The following SYT1 variants were observed in gnomAD, a reference collection of about 807,000 sequenced individuals.
SYT1 encodes the protein synaptotagmin 1, also known as synaptotagmin-1.
In SYT1, 8 loss-of-function variants were observed where a neutral mutation model predicts 44.8. The observed-to-expected ratio is 0.18, with a 90% CI of 0.10 to 0.32. SYT1 has a LOEUF of 0.32. SYT1 is among the 10% of genes least tolerant of loss of function. The pLI, the probability that SYT1 is intolerant of heterozygous loss-of-function variation, is 1.00. For synonymous variants in SYT1, 154 were observed against 188.8 expected (o/e 0.82, Z 1.51); for missense variants, 286 against 509.3 (o/e 0.56, Z 4.22).
chr12:79,338,201 C>G (rs925345901), intron 8 of SYT1, among the ~76,000 whole-genome samples: 1 of 152,092 alleles, frequency 6.6e-6, no homozygotes, highest in Non-Finnish European at 1.5e-5. Flanking sequence ...CATTTTTCAC[C>G]ATTTCCATTG....
At chr12:79,276,535 G>A (rs1264755936) in intron 4 of SYT1, among the ~76,000 whole-genome samples, 1 of 151,776 alleles carries the variant, frequency 6.6e-6, no homozygotes, top group African/African-American at 2.4e-5. Flanking sequence ...AATTAGCTGG[G>A]CATGGTGGCA....
rs118022494 is a variant in SYT1 at position 79,373,287 on chromosome 12, T to G, written c.928+19668T>G. On this transcript the variant is annotated intron_variant, in intron 9 of 10. Transcript: ENST00000261205. ...GATGATGTTCACCTATCAGTAAAAC[T>G]TTGGGAGCACATTCCTCTTTATACA... Among the ~76,000 whole-genome samples, 272 of 152,294 alleles carry G rather than the reference T, an allele frequency of 1.8e-3. 6 individuals carry two copies. The East Asian group carries it at 0.048, about 27-fold the overall frequency.
chr12:79,356,963 G>C (rs1299602401), intron 9 of SYT1, among the ~76,000 whole-genome samples: 1 of 152,152 alleles, frequency 6.6e-6, no homozygotes, highest in African/African-American at 2.4e-5. Context: ...GGGAAAAAAA[G>C]TTTATCTTAT....
chr12:79,142,508 AC>A (rs779435067), intron 3 of SYT1, among the ~76,000 whole-genome samples: 1 of 152,222 alleles, frequency 6.6e-6, no homozygotes, highest in Non-Finnish European at 1.5e-5. Flanking sequence ...TTCCATGTGG[AC>A]CAATCATGAG....
At chr12:78,923,977 C>T (rs552872462) in intron 1 of SYT1, among the ~76,000 whole-genome samples, 1 of 152,028 alleles carries the variant, frequency 6.6e-6, no homozygotes, top group African/African-American at 2.4e-5. Flanking sequence ...TGTCTTTAAA[C>T]TTCTTTATTC....
At chr12:79,331,658 CT>C (rs1881861086) in intron 8 of SYT1, among the ~76,000 whole-genome samples, 1 of 151,978 alleles carries the variant, frequency 6.6e-6, no homozygotes, top group Non-Finnish European at 1.5e-5. Context: ...TAGTTACTAC[CT>C]TTATGAAGCA....
At chr12:78,950,232 A>G (rs1252766389) in intron 1 of SYT1, among the ~76,000 whole-genome samples, 4 of 152,238 alleles carry the variant, frequency 2.6e-5, no homozygotes, top group South Asian at 4.1e-4. Context: ...TAAGCATTTT[A>G]TATCATTACA....
chr12:79,350,336 T>A (rs921574534), intron 8 of SYT1, among the ~76,000 whole-genome samples: 8 of 142,528 alleles, frequency 5.6e-5, no homozygotes, highest in Non-Finnish European at 1.1e-4. Context: ...CACTGCAAGC[T>A]CCGCCTCCCG....
chr12:79,067,556 A>G (rs1034198725), intron 3 of SYT1, among the ~76,000 whole-genome samples: 8 of 152,218 alleles, frequency 5.3e-5, no homozygotes, highest in African/African-American at 1.4e-4. Context: ...CTAAGATAAT[A>G]TAAAAACCAT....
intron 8 of SYT1, among the ~76,000 whole-genome samples, chr12:79,307,799 C>A (rs991994479): frequency 6.6e-6 from 1 of 152,220 alleles, no homozygotes; most frequent in Non-Finnish European, 1.5e-5. Context: ...CTCTCTAAAG[C>A]TGAACTGGCC....
chr12:79,291,983 C>T (rs771249415), intron 5 of SYT1, 25 bp from the exon 6 acceptor site: 1 of 1,612,674 alleles, frequency 6.2e-7, no homozygotes, highest in Non-Finnish European at 8.5e-7. Context: ...CTGAAATTCA[C>T]ATGTGATCCT....
chr12:79,300,867 A>G (rs528758716), intron 8 of SYT1, among the ~76,000 whole-genome samples: 1 of 144,054 alleles, frequency 6.9e-6, no homozygotes, highest in African/African-American at 2.5e-5. Context: ...CCTTTCTTAG[A>G]CATTGACACA....
At chr12:79,188,172 A>C (rs919113044) in intron 3 of SYT1, among the ~76,000 whole-genome samples, 1 of 152,100 alleles carries the variant, frequency 6.6e-6, no homozygotes, top group Non-Finnish European at 1.5e-5. Context: ...TTTTTCATCC[A>C]GAGATTTTTA....
At chr12:79,078,983 C>T (rs2137940329) in intron 3 of SYT1, among the ~76,000 whole-genome samples, 1 of 152,174 alleles carries the variant, frequency 6.6e-6, no homozygotes, top group East Asian at 1.9e-4. Flanking sequence ...TTAAAAGGCA[C>T]ATTAATTTAA....
At chr12:79,216,150 C>T (rs968510050) in intron 3 of SYT1, among the ~76,000 whole-genome samples, 1 of 151,878 alleles carries the variant, frequency 6.6e-6, no homozygotes, top group African/African-American at 2.4e-5. Context: ...AGGCTGGTCT[C>T]GAACTCCTGA....
At position 79,346,888 on chromosome 12, in the gene SYT1, G is replaced by A. The variant is rs564965523; in HGVS notation, c.811-6614G>A. On this transcript the variant is annotated intron_variant, in intron 8 of 10. Transcript: ENST00000261205. ...AGTATATAGTCCCTGCTCTTCTGGA[G>A]TTTAAGGTGAGTTGAGCTCACGTGT... Among the ~76,000 whole-genome samples, 82 of 152,272 alleles carry A rather than the reference G, an allele frequency of 5.4e-4. 1 individual carries two copies. The highest frequency in any genetic ancestry group is 3.3e-3 in the South Asian group (16 of 4,822).
chr12:79,175,314 C>T (rs1046036446), intron 3 of SYT1, among the ~76,000 whole-genome samples: 1 of 151,992 alleles, frequency 6.6e-6, no homozygotes, highest in African/African-American at 2.4e-5. Flanking sequence ...TTTTCCTTCA[C>T]GGTATGCTCA....
intron 9 of SYT1, among the ~76,000 whole-genome samples, chr12:79,442,658 A>G (rs915952311): frequency 1.3e-5 from 2 of 152,192 alleles, no homozygotes; most frequent in East Asian, 1.9e-4. Context: ...AGCAAATTCA[A>G]ATAGTGAATA....
rs574278588 is a variant in SYT1 at position 79,275,594 on chromosome 12, T to C, written c.167-10193T>C. On this transcript the variant is annotated intron_variant, in intron 4 of 10. Transcript: ENST00000261205. ...GTAGGTCACTTTTGTGCTGGCCTCA[T>C]AGTGGAGCTGAGGTGACTCCCTCCC... is the stretch of plus-strand genomic sequence containing the variant. 1.7e-4 allele frequency among the ~76,000 whole-genome samples: 26 copies of C among 152,270 alleles called. No homozygotes were observed. In the South Asian group the frequency reaches 4.1e-3, roughly 24 times the overall value.
Sources: allele counts gnomAD v4.1 joint callset (sites outside exome capture counted in the v4.1 genomes callset), GRCh38; gene constraint gnomAD v4.1.1; transcripts MANE v1.5; gene names NCBI Gene and HGNC (gene_info 2026-07-23, HGNC 2026-07-21).